The following ZNF106 variants were observed in gnomAD, a reference collection of about 807,000 sequenced individuals.
The protein encoded by ZNF106 is zinc finger protein 106, also known as SH3-domain binding protein 3.
A neutral mutation model predicts 195.1 loss-of-function variants in ZNF106; 67 were observed. The ratio of observed to expected loss-of-function variants is 0.34; its 90% CI spans 0.28 to 0.42. The LOEUF (loss-of-function observed/expected upper bound fraction) is 0.42. Among genes scored for constraint, ZNF106 ranks in the 10% least tolerant of loss-of-function variants. The pLI, the probability that ZNF106 is intolerant of heterozygous loss-of-function variation, is 1.00. For missense variants in ZNF106, 2,118 were observed against 2,304.5 expected, an observed-to-expected ratio of 0.92 and a Z score of 1.66; for synonymous variants, 784 against 818.6, an observed-to-expected ratio of 0.96 and a Z score of 0.72.
rs780615883 is a variant in ZNF106 at position 42,450,666 on chromosome 15, C to G, written c.1606G>C (p.Val536Leu). Residue 536 changes from valine (V) to leucine (L), a missense_variant, in exon 5 of 22, where the codon GTT (valine) becomes CTT (leucine). Val to Leu is a conservative substitution (Grantham distance 32). Coordinates refer to ENST00000564754, the MANE Select transcript of ZNF106 (RefSeq NM_001366845.3). Reference protein sequence around the residue: ...ISKLRSSCPHVLKGNKSTFGS... With the variant: ...ISKLRSSCPHLLKGNKSTFGS... ...AATGTACTTTTATTCCCTTTTAAAA[C>G]ATGAGGACATGAACTACGCAGTTTG... The G allele has an allele frequency of 6.2e-7, 1 of 1,614,154 alleles. No individual in the cohort carries two copies. Among genetic ancestry groups the G allele is most frequent in the Non-Finnish European group, 8.5e-7 (1 of 1,180,040 alleles).
chr15:42,476,235 C>G (rs2056783080), intron 1 of ZNF106, among the ~76,000 whole-genome samples: 1 of 152,114 alleles, frequency 6.6e-6, no homozygotes, highest in South Asian at 2.1e-4. Flanking sequence ...TGATTCCAGG[C>G]AAAGTAACTT....
chr15:42,468,015 T>G (rs923682797), intron 2 of ZNF106, among the ~76,000 whole-genome samples: 1 of 151,910 alleles, frequency 6.6e-6, no homozygotes, highest in Non-Finnish European at 1.5e-5. Flanking sequence ...CAACCCACTG[T>G]TACTTAAAGT....
At chr15:42,472,099 AAAG>A (rs2056683058) in intron 2 of ZNF106, 134 bp downstream of exon 2, 5 of 854,344 alleles carry the variant, frequency 5.9e-6, no homozygotes, top group Non-Finnish European at 8.3e-6. Context: ...TTAGGAAAGA[AAAG>A]AAGCATAAAT....
chr15:42,420,143 T>C (rs2054607456), intron 20 of ZNF106, among the ~76,000 whole-genome samples: 1 of 152,206 alleles, frequency 6.6e-6, no homozygotes. Context: ...AGGTTTTAGT[T>C]ACCTGTGGTT....
At chr15:42,447,611 T>C (rs1401303801) in intron 6 of ZNF106, among the ~76,000 whole-genome samples, 5 of 152,216 alleles carry the variant, frequency 3.3e-5, no homozygotes, top group African/African-American at 1.2e-4. Flanking sequence ...AAAATATTTC[T>C]ATACTCTGCT....
intron 2 of ZNF106, among the ~76,000 whole-genome samples, chr15:42,468,459 A>T (rs554665291): frequency 1.3e-5 from 2 of 151,872 alleles, no homozygotes; most frequent in Non-Finnish European, 2.9e-5. Context: ...ATAAGGAGAG[A>T]GTAGGCCAGG....
chr15:42,485,661 G>A (rs1308769425), intron 1 of ZNF106, among the ~76,000 whole-genome samples: 1 of 152,106 alleles, frequency 6.6e-6, no homozygotes, highest in Non-Finnish European at 1.5e-5. Context: ...AGCTGCTTAG[G>A]ATAGGCTCTG....
At chr15:42,419,366 A>T (rs1381503961) in intron 20 of ZNF106, among the ~76,000 whole-genome samples, 1 of 151,890 alleles carries the variant, frequency 6.6e-6, no homozygotes, top group Non-Finnish European at 1.5e-5. Context: ...CTCAGAAAAA[A>T]AATAAATAAT....
chr15:42,424,471 TA>T, intron 16 of ZNF106: 2 of 267,292 alleles, frequency 7.5e-6, no homozygotes, highest in Non-Finnish European at 1.4e-5. Flanking sequence ...AAATGCCATT[TA>T]AAACCCTTCT....
At chr15:42,486,738 T>G (rs2057023480) in intron 1 of ZNF106, among the ~76,000 whole-genome samples, 2 of 152,234 alleles carry the variant, frequency 1.3e-5, no homozygotes, top group African/African-American at 4.8e-5. Flanking sequence ...TATGCTGTTT[T>G]GCTTAGAGTC....
At chr15:42,461,459 TC>T in intron 3 of ZNF106, among the ~76,000 whole-genome samples, 1 of 152,342 alleles carries the variant, frequency 6.6e-6, no homozygotes, top group East Asian at 1.9e-4. Context: ...TAAGATACTC[TC>T]TCCATAAGCT....
Position 42,442,069 on chromosome 15 carries a change from A to G in ZNF106, c.3763+4T>C. 1.2e-6 allele frequency: 2 copies of G among 1,601,552 alleles called. No homozygotes were observed. The highest frequency in any genetic ancestry group is 1.1e-5 in the South Asian group (1 of 89,538). On this transcript the variant is annotated splice_donor_region_variant and intron_variant, in intron 10 of 21. Transcript: ENST00000564754. ...GCCCTTAACCCAGAGAAAAGCTTAC[A>G]TACTATTAGCTTCCAGTAATTCCTT...
chr15:42,476,068 T>G (rs1036603435), intron 1 of ZNF106, among the ~76,000 whole-genome samples: 4 of 152,136 alleles, frequency 2.6e-5, no homozygotes, highest in Non-Finnish European at 5.9e-5. Context: ...TTAACCAAAG[T>G]CTCCCTCTTT....
chr15:42,433,833 TTTTG>T (rs1316625675), intron 14 of ZNF106, among the ~76,000 whole-genome samples: 1 of 152,058 alleles, frequency 6.6e-6, no homozygotes, highest in Non-Finnish European at 1.5e-5. Context: ...TGTAAATTCT[TTTTG>T]TTTGTTTTGG....
chr15:42,486,448 A>G (rs1434887397), intron 1 of ZNF106, among the ~76,000 whole-genome samples: 1 of 152,016 alleles, frequency 6.6e-6, no homozygotes, highest in Non-Finnish European at 1.5e-5. Flanking sequence ...TTTTGTAGAG[A>G]CAGGGTCTCG....
At position 42,437,223 on chromosome 15, in the gene ZNF106, T is replaced by C; in HGVS notation, c.4746+9A>G. 6.2e-7 allele frequency: 1 copy of C among 1,607,252 alleles called. No homozygotes were observed. The highest frequency in any genetic ancestry group is 1.7e-4 in the Middle Eastern group (1 of 6,036). On this transcript the variant is annotated intron_variant, in intron 13 of 21. Coordinates refer to ENST00000564754, the MANE Select transcript of ZNF106 (RefSeq NM_001366845.3). ...AACCAAAAACATTCTACATGTTCTA[T>C]CAACTTACCACCAGATTATAAACCC...
chr15:42,421,268 A>T, intron 19 of ZNF106, 136 bp from the exon 20 acceptor site: 2 of 764,066 alleles, frequency 2.6e-6, no homozygotes, highest in East Asian at 2.6e-5. Context: ...CCAGAGCAGG[A>T]GAATGGGAAA....
chr15:42,422,669 T>C (rs1215131826), intron 17 of ZNF106, 49 bp from the exon 18 acceptor site: 1 of 1,555,188 alleles, frequency 6.4e-7, no homozygotes, highest in Non-Finnish European at 8.7e-7. Context: ...TCGAGACTCC[T>C]TCCTGGTTAT....
intron 1 of ZNF106, among the ~76,000 whole-genome samples, chr15:42,489,847 C>T (rs892710048): frequency 2.0e-5 from 3 of 150,934 alleles, no homozygotes; most frequent in African/African-American, 7.3e-5. Flanking sequence ...ACTAGCCTGG[C>T]CAACATGGTG....
Sources: allele counts gnomAD v4.1 joint callset (sites outside exome capture counted in the v4.1 genomes callset), GRCh38; gene constraint gnomAD v4.1.1; transcripts MANE v1.5; gene names NCBI Gene and HGNC (gene_info 2026-07-23, HGNC 2026-07-21).